CAMTA1: variants seen among roughly 807,000 people sequenced by gnomAD.
The protein encoded by CAMTA1 is calmodulin binding transcription activator 1.
A neutral mutation model predicts 170.9 loss-of-function variants in CAMTA1; 27 were observed. The observed-to-expected ratio is 0.16, with a 90% CI of 0.12 to 0.22. The LOEUF is 0.22. Among genes scored for constraint, CAMTA1 ranks in the 10% least tolerant of loss-of-function variants. CAMTA1 has a pLI of 1.00. For missense variants in CAMTA1, 1,619 were observed against 2,217.2 expected (o/e 0.73, Z 5.42); for synonymous variants, 833 against 891.5 (o/e 0.93, Z 1.17).
intron 4 of CAMTA1, among the ~76,000 whole-genome samples, chr1:7,147,702 A>AAACTCAAACATATACCATGCAACC (rs1646296666): frequency 1.3e-5 from 2 of 151,438 alleles, no homozygotes; most frequent in Non-Finnish European, 2.9e-5. Context: ...GCACACACAC[A>AAACTCAAACATATACCATGCAACC]AACTCAAACA....
intron 3 of CAMTA1, among the ~76,000 whole-genome samples, chr1:6,904,199 G>A (rs1301157769): frequency 2.6e-5 from 4 of 152,118 alleles, no homozygotes; most frequent in African/African-American, 9.7e-5. Context: ...TCTCATGTTA[G>A]AATTCACTGA....
At chr1:6,854,275 G>T (rs1048683843) in intron 3 of CAMTA1, among the ~76,000 whole-genome samples, 1 of 152,152 alleles carries the variant, frequency 6.6e-6, no homozygotes, top group Non-Finnish European at 1.5e-5. Context: ...GATACCTATC[G>T]TGTCACAGTT....
At chr1:7,734,685 G>A (rs1431246741) in intron 12 of CAMTA1, among the ~76,000 whole-genome samples, 3 of 152,134 alleles carry the variant, frequency 2.0e-5, no homozygotes, top group Admixed American at 2.0e-4. Flanking sequence ...CTCTGCTCCT[G>A]TAGGTGTTTT....
chr1:6,949,443 A>T (rs1688098940), intron 3 of CAMTA1, among the ~76,000 whole-genome samples: 1 of 152,200 alleles, frequency 6.6e-6, no homozygotes, highest in Admixed American at 6.5e-5. Context: ...CTGCAAGACG[A>T]TGTTGGCCTC....
intron 6 of CAMTA1, among the ~76,000 whole-genome samples, chr1:7,612,142 C>T (rs1482949289): frequency 2.6e-5 from 4 of 152,294 alleles, no homozygotes; most frequent in East Asian, 3.9e-4. Context: ...TACACCCTGC[C>T]CTCTTGGTAC....
intron 3 of CAMTA1, among the ~76,000 whole-genome samples, chr1:6,864,508 G>A (rs995148776): frequency 6.6e-6 from 1 of 152,108 alleles, no homozygotes; most frequent in Admixed American, 6.5e-5. Context: ...GACACAGTCT[G>A]CCAGGCCTGC....
chr1:7,286,023 G>A lies in CAMTA1; in HGVS notation c.438+36397G>A, dbSNP rs1672297284. On this transcript the variant is annotated intron_variant, in intron 5 of 22. Transcript: ENST00000303635. The surrounding 1 kb of genome is among the most constrained non-coding windows in gnomAD (Gnocchi z 4.2). ...TTTCTCTAAATCAGCTGTTTCAGAT[G>A]TACCCACCACCGGGCCAATGGAGCC... Among the ~76,000 whole-genome samples, 2 of 152,258 alleles carry A rather than the reference G, an allele frequency of 1.3e-5. No homozygotes were observed. Among genetic ancestry groups the A allele is most frequent in the Non-Finnish European group, 1.5e-5 (1 of 68,020 alleles).
At chr1:7,698,914 C>T (rs936685562) in intron 11 of CAMTA1, 6 of 152,322 alleles carry the variant, frequency 3.9e-5, no homozygotes, top group African/African-American at 1.4e-4. Flanking sequence ...CAGGGCCTGT[C>T]TATTCAGATT....
chr1:7,689,872 C>T (rs1213525522), intron 11 of CAMTA1, among the ~76,000 whole-genome samples: 5 of 152,076 alleles, frequency 3.3e-5, no homozygotes. Flanking sequence ...AGAAATGAGC[C>T]GGCTAGTGGG....
In CAMTA1 at chr1:7,014,803, C is replaced by T. The variant is rs772611796; in HGVS notation, c.235-76501C>T. ...TCGGGGTCTGTGGACCCTCTCAGAC[C>T]CTGCAGCATGTCGGGGGCCGGGTGG... On this transcript the variant is annotated intron_variant, in intron 3 of 22. Coordinates refer to ENST00000303635, the MANE Select transcript of CAMTA1 (RefSeq NM_015215.4). The surrounding 1 kb of genome is among the most constrained non-coding windows in gnomAD (Gnocchi z 4.2). Among the ~76,000 whole-genome samples, 1 of 152,024 alleles carries T rather than the reference C, an allele frequency of 6.6e-6. No homozygotes were observed. The highest frequency in any genetic ancestry group is 1.5e-5 in the Non-Finnish European group (1 of 68,002).
At chr1:7,569,857 G>A (rs2095104937) in intron 6 of CAMTA1, among the ~76,000 whole-genome samples, 1 of 152,106 alleles carries the variant, frequency 6.6e-6, no homozygotes. Context: ...GGTGCAGACA[G>A]TGTGTCCTGG....
At chr1:6,843,044 C>T (rs532092056) in intron 3 of CAMTA1, among the ~76,000 whole-genome samples, 2 of 152,232 alleles carry the variant, frequency 1.3e-5, no homozygotes, top group South Asian at 2.1e-4. Context: ...TCAACTGACA[C>T]GTCTGAATTT....
intron 3 of CAMTA1, among the ~76,000 whole-genome samples, chr1:6,910,158 A>G (rs1464893584): frequency 6.6e-6 from 1 of 152,220 alleles, no homozygotes; most frequent in Non-Finnish European, 1.5e-5. Flanking sequence ...AGGCACTAGT[A>G]CCCGTTATAG....
rs542609547 is a variant in CAMTA1, at chr1:7,498,913, G to A, written c.510+31012G>A. On this transcript the variant is annotated intron_variant, in intron 6 of 22. Coordinates refer to ENST00000303635, the MANE Select transcript of CAMTA1 (RefSeq NM_015215.4). ...GATGGTGTGAGCCTGGTGTGAGTGC[G>A]TATGTATATGAGTGTGTGTGTGCAT... 4.6e-3 allele frequency among the ~76,000 whole-genome samples: 535 copies of A among 115,348 alleles called. 10 individuals are homozygous for A. Among genetic ancestry groups the A allele is most frequent in the African/African-American group, 0.021 (494 of 23,866 alleles). The allele number at this position is 115,348 out of a possible 152,430, so 75.7% of individuals were successfully genotyped here.
chr1:7,301,445 TTA>T (rs1213512064), intron 5 of CAMTA1, among the ~76,000 whole-genome samples: 11 of 152,332 alleles, frequency 7.2e-5, no homozygotes, highest in Admixed American at 1.3e-4. Flanking sequence ...CAAAGGAGTC[TTA>T]TAGTTTCCCA....
At chr1:6,794,880 C>CTTTTTTTTTTTTTTTTT (rs1305335139) in intron 1 of CAMTA1, among the ~76,000 whole-genome samples, 123 of 141,798 alleles carry the variant, frequency 8.7e-4, no homozygotes, top group East Asian at 3.1e-3. Flanking sequence ...TAGATAAAGG[C>CTTTTTTTTTTTTTTTTT]TTTTTTTTTG....
At chr1:7,122,333 AC>A (rs1422947083) in intron 4 of CAMTA1, among the ~76,000 whole-genome samples, 1 of 151,788 alleles carries the variant, frequency 6.6e-6, no homozygotes, top group Admixed American at 6.6e-5. Context: ...GTGAGAAGCC[AC>A]CCCCACCCCT....
chr1:7,684,226 G>A (rs2096239309), intron 11 of CAMTA1, among the ~76,000 whole-genome samples: 6 of 152,248 alleles, frequency 3.9e-5, no homozygotes, highest in Admixed American at 2.6e-4. Flanking sequence ...TTGACTCTGT[G>A]GAGGACGCCC....
chr1:7,383,665 G>A (rs755753958), intron 5 of CAMTA1, among the ~76,000 whole-genome samples: 2 of 152,124 alleles, frequency 1.3e-5, no homozygotes, highest in Non-Finnish European at 2.9e-5. Flanking sequence ...GGTGATCATG[G>A]TCATGGTGGT....
Sources: gnomAD v4.1 joint callset for allele counts (sites outside exome capture counted in the v4.1 genomes callset) on GRCh38, gnomAD v4.1.1 for gene constraint, Gnocchi (gnomAD v3.1) non-coding constraint, MANE v1.5 for transcripts, NCBI Gene and HGNC (gene_info 2026-07-23, HGNC 2026-07-21) for gene names.